The following TBCA variants were observed in gnomAD, a reference collection of about 807,000 sequenced individuals.
The protein encoded by TBCA is tubulin-specific chaperone A.
A neutral mutation model predicts 15.8 loss-of-function variants in TBCA; 6 were observed. The observed-to-expected ratio is 0.38, with a 90% CI of 0.21 to 0.75. The LOEUF (loss-of-function observed/expected upper bound fraction) is 0.75, where lower values mean the gene tolerates loss of function less well. TBCA is among the 30% of genes least tolerant of loss of function. The pLI, the probability that TBCA is intolerant of heterozygous loss-of-function variation, is 0.46. For missense variants in TBCA, 90 were observed against 131.2 expected, an observed-to-expected ratio of 0.69 and a Z score of 1.53; for synonymous variants, 32 against 42.3, an observed-to-expected ratio of 0.76 and a Z score of 0.94.
chr5:77,766,985 G>A (rs1014571268), intron 1 of TBCA, among the ~76,000 whole-genome samples: 10 of 152,148 alleles, frequency 6.6e-5, no homozygotes, highest in African/African-American at 1.7e-4. Context: ...CTGAAAAGAC[G>A]TGAAGAACTG....
At chr5:77,765,407 T>C (rs1238226705) in intron 1 of TBCA, among the ~76,000 whole-genome samples, 5 of 152,208 alleles carry the variant, frequency 3.3e-5, no homozygotes, top group Admixed American at 2.0e-4. Context: ...TTTTTAGTAC[T>C]ATCATAGTGA....
At chr5:77,768,044 C>T (rs552793072) in intron 1 of TBCA, among the ~76,000 whole-genome samples, 9 of 152,250 alleles carry the variant, frequency 5.9e-5, no homozygotes, top group East Asian at 3.9e-4. Context: ...CAGTGTTCAG[C>T]GCACCATCCT....
chr5:77,772,631 A>C (rs1747940765), intron 1 of TBCA, among the ~76,000 whole-genome samples: 1 of 152,150 alleles, frequency 6.6e-6, no homozygotes. Flanking sequence ...GTGAGTAACA[A>C]GCAGCTAAAA....
At chr5:77,733,037 T>C (rs910478548) in intron 1 of TBCA, among the ~76,000 whole-genome samples, 1 of 152,150 alleles carries the variant, frequency 6.6e-6, no homozygotes, top group African/African-American at 2.4e-5. Flanking sequence ...ATCCCAGCAC[T>C]TTGGGAGGCT....
intron 1 of TBCA, among the ~76,000 whole-genome samples, chr5:77,736,810 T>C (rs1746918701): frequency 6.6e-6 from 1 of 152,226 alleles, no homozygotes; most frequent in South Asian, 2.1e-4. Context: ...TAAATAATTG[T>C]ATCTTGATAA....
At chr5:77,715,980 T>C (rs1378445167) in intron 1 of TBCA, among the ~76,000 whole-genome samples, 1 of 152,160 alleles carries the variant, frequency 6.6e-6, no homozygotes, top group Non-Finnish European at 1.5e-5. Context: ...AAGATTTGTG[T>C]TGTGTGAGGG....
intron 1 of TBCA, among the ~76,000 whole-genome samples, chr5:77,736,927 AT>A (rs1746922226): frequency 1.3e-5 from 2 of 152,210 alleles, no homozygotes; most frequent in Non-Finnish European, 2.9e-5. Flanking sequence ...GGTATTAGAG[AT>A]TTAACATTCA....
At chr5:77,719,767 TC>T in intron 1 of TBCA, among the ~76,000 whole-genome samples, 1 of 152,214 alleles carries the variant, frequency 6.6e-6, no homozygotes, top group South Asian at 2.1e-4. Context: ...AATATAAAAC[TC>T]ATTATTTCAC....
chr5:77,756,806 C>A (rs7719017), intron 1 of TBCA, among the ~76,000 whole-genome samples: 2 of 152,070 alleles, frequency 1.3e-5, no homozygotes, highest in East Asian at 3.9e-4. Flanking sequence ...GAAAGCAGAG[C>A]GTTAGACCTA....
At chr5:77,702,705 T>C (rs1245362653) in intron 2 of TBCA, among the ~76,000 whole-genome samples, 2 of 152,228 alleles carry the variant, frequency 1.3e-5, no homozygotes, top group Non-Finnish European at 2.9e-5. Flanking sequence ...GTATTATATT[T>C]ATACAAGATA....
At chr5:77,691,602 A>G (rs780772631) in intron 3 of TBCA, 104 bp from the exon 4 acceptor site, 2 of 1,427,436 alleles carry the variant, frequency 1.4e-6, no homozygotes, top group Non-Finnish European at 1.8e-6. Flanking sequence ...CTAAAAAATT[A>G]AAAGTAAAAA....
rs1251955612 is a variant in TBCA, at chr5:77,776,275, G to C, written c.-18C>G. The C allele has an allele frequency of 5.1e-6, 8 of 1,573,204 alleles. No individual in the cohort carries two copies. Among genetic ancestry groups the C allele is most frequent in the Non-Finnish European group, 6.9e-6 (8 of 1,160,328 alleles). ...TCGGCCATGGTCCCTCGAGCGCCGC[G>C]AGAAGGAGGGGCGGAGAGCCGGGGT... On this transcript the variant is annotated 5_prime_UTR_variant, in exon 1 of 4. Coordinates refer to ENST00000380377, the MANE Select transcript of TBCA (RefSeq NM_004607.3).
intron 2 of TBCA, among the ~76,000 whole-genome samples, chr5:77,707,462 G>C (rs948699979): frequency 6.6e-6 from 1 of 152,154 alleles, no homozygotes; most frequent in Non-Finnish European, 1.5e-5. Flanking sequence ...AAGGCCAGGA[G>C]TAAGAGCATC....
intron 1 of TBCA, among the ~76,000 whole-genome samples, chr5:77,771,916 A>C (rs352569): frequency 0.44 from 66,770 of 151,894 alleles, 14,851 homozygotes; most frequent in East Asian, 0.53. Context: ...TCTAGAGAGA[A>C]AATTGAAGGA....
At chr5:77,716,128 C>T (rs1746394384) in intron 1 of TBCA, among the ~76,000 whole-genome samples, 1 of 151,974 alleles carries the variant, frequency 6.6e-6, no homozygotes, top group Non-Finnish European at 1.5e-5. Flanking sequence ...TGCCTCTCCA[C>T]AATGTTTTTA....
chr5:77,700,663 T>TA (rs1745991326), intron 2 of TBCA, among the ~76,000 whole-genome samples: 1 of 152,218 alleles, frequency 6.6e-6, no homozygotes, highest in Admixed American at 6.5e-5. Context: ...TAGTTTCTTT[T>TA]AAAACAAAAA....
intron 1 of TBCA, among the ~76,000 whole-genome samples, chr5:77,746,237 T>C (rs1747184221): frequency 6.6e-6 from 1 of 151,946 alleles, no homozygotes; most frequent in South Asian, 2.1e-4. Flanking sequence ...CAGACTAGAC[T>C]GGGCAACATA....
intron 1 of TBCA, among the ~76,000 whole-genome samples, chr5:77,736,682 C>G (rs1176077988): frequency 6.6e-6 from 1 of 152,020 alleles, no homozygotes; most frequent in Admixed American, 6.6e-5. Flanking sequence ...CTATCTCTAC[C>G]TCCTCATATT....
intron 1 of TBCA, among the ~76,000 whole-genome samples, chr5:77,767,093 G>C (rs1164220058): frequency 1.3e-5 from 2 of 152,182 alleles, no homozygotes; most frequent in Non-Finnish European, 2.9e-5. Context: ...TACTATACTA[G>C]TAATGTAAGT....
Sources: gnomAD v4.1 joint callset for allele counts (sites outside exome capture counted in the v4.1 genomes callset) on GRCh38, gnomAD v4.1.1 for gene constraint, MANE v1.5 for transcripts, NCBI Gene and HGNC (gene_info 2026-07-23, HGNC 2026-07-21) for gene names.